The following RBFOX1 variants were observed in gnomAD, a reference collection of about 807,000 sequenced individuals.
RBFOX1 encodes the protein RNA binding protein fox-1 homolog 1.
Under a neutral mutation model 57.7 loss-of-function variants are expected in RBFOX1, and 8 were observed. The ratio of observed to expected loss-of-function variants is 0.14; its 90% CI spans 0.08 to 0.25. RBFOX1 has a LOEUF of 0.25. Ranked by LOEUF, RBFOX1 falls within the 10% of genes least tolerant of loss-of-function variation. The pLI, the probability that RBFOX1 is intolerant of heterozygous loss-of-function variation, is 1.00. For missense variants in RBFOX1, 611 were observed against 548.5 expected (o/e 1.11, Z -1.14); for synonymous variants, 326 against 222.4 (o/e 1.47, Z -4.15).
intron 4 of RBFOX1, among the ~76,000 whole-genome samples, chr16:7,481,732 A>G (rs935939747): frequency 5.9e-5 from 9 of 152,226 alleles, no homozygotes; most frequent in South Asian, 2.1e-4. Context: ...TCATACTGCA[A>G]TAAACCCATC....
intron 1 of RBFOX1, among the ~76,000 whole-genome samples, chr16:5,381,416 C>G (rs150247103): frequency 6.6e-6 from 1 of 152,350 alleles, no homozygotes; most frequent in Non-Finnish European, 1.5e-5. Context: ...GCACATAAAT[C>G]ACTTGGAGAT....
intron 3 of RBFOX1, among the ~76,000 whole-genome samples, chr16:6,923,950 A>C (rs2075030045): frequency 6.6e-6 from 1 of 151,964 alleles, no homozygotes; most frequent in Non-Finnish European, 1.5e-5. Flanking sequence ...CAGGCAGATC[A>C]CCTGAAGTTA....
In RBFOX1 at chr16:7,684,050, G is replaced by C. The variant is rs147736195; in HGVS notation, c.995+7212G>C. On this transcript the variant is annotated intron_variant, in intron 14 of 15. Coordinates refer to ENST00000550418, the MANE Select transcript of RBFOX1 (RefSeq NM_018723.4). Reference sequence around the variant, plus strand: ...GATAAGATGAAATTTTTCAGTAAAAGTGTCTAATATTTCATTTTAAGTTAT... The same window carrying C: ...GATAAGATGAAATTTTTCAGTAAAACTGTCTAATATTTCATTTTAAGTTAT... Among the ~76,000 whole-genome samples the C allele has an allele frequency of 3.6e-3, 548 of 152,170 alleles. 3 individuals carry two copies. Among genetic ancestry groups the C allele is most frequent in the African/African-American group, 0.013 (529 of 41,528 alleles).
At chr16:6,813,690 C>G (rs561878262) in intron 3 of RBFOX1, among the ~76,000 whole-genome samples, 2 of 152,292 alleles carry the variant, frequency 1.3e-5, no homozygotes, top group African/African-American at 4.8e-5. Context: ...CTTTCCAAGT[C>G]CCATACTCTC....
intron 3 of RBFOX1, among the ~76,000 whole-genome samples, chr16:6,898,711 ATATG>A (rs1282500380): frequency 6.6e-6 from 1 of 150,972 alleles, no homozygotes; most frequent in Non-Finnish European, 1.5e-5. Flanking sequence ...TGTCTATAAT[ATATG>A]TGTGTATGTG....
At chr16:5,421,908 T>C (rs1347178802) in intron 1 of RBFOX1, among the ~76,000 whole-genome samples, 3 of 152,066 alleles carry the variant, frequency 2.0e-5, no homozygotes, top group Admixed American at 1.3e-4. Flanking sequence ...CCAAACTCAA[T>C]ATCATTTTTT....
At chr16:7,278,465 AT>A (rs2095482292) in intron 4 of RBFOX1, among the ~76,000 whole-genome samples, 1 of 152,296 alleles carries the variant, frequency 6.6e-6, no homozygotes, top group Admixed American at 6.5e-5. Context: ...GACTAAATAT[AT>A]TTACTTTCAT....
chr16:5,510,328 C>G (rs1237790763), intron 2 of RBFOX1, among the ~76,000 whole-genome samples: 1 of 152,206 alleles, frequency 6.6e-6, no homozygotes, highest in Non-Finnish European at 1.5e-5. Context: ...GCCGCTCTCC[C>G]TCTGACTGTA....
At chr16:7,295,259 C>A (rs2095867068) in intron 4 of RBFOX1, among the ~76,000 whole-genome samples, 1 of 152,016 alleles carries the variant, frequency 6.6e-6, no homozygotes. Context: ...TTGTATAGTG[C>A]CATGTCATTT....
chr16:6,662,138 G>T (rs200526075), intron 3 of RBFOX1, among the ~76,000 whole-genome samples: 1 of 148,846 alleles, frequency 6.7e-6, no homozygotes, highest in Non-Finnish European at 1.5e-5. Context: ...GGGGCGGGGT[G>T]AAAAAAAAGG....
At position 6,530,658 on chromosome 16, in the gene RBFOX1, C is replaced by A. The variant is rs188853134; in HGVS notation, c.-63-123945C>A. 1.7e-3 allele frequency among the ~76,000 whole-genome samples: 255 copies of A among 152,164 alleles called. 1 individual carries two copies. Among genetic ancestry groups the A allele is most frequent in the Non-Finnish European group, 2.5e-3 (168 of 68,006 alleles). On this transcript the variant is annotated intron_variant, in intron 2 of 15. Transcript: ENST00000550418. Reference sequence around the variant, plus strand: ...CACATGGCTGGGGAGGCCTCACAATCATGGTGGAAGGAGGAGCAAGTTATG... The same window carrying A: ...CACATGGCTGGGGAGGCCTCACAATAATGGTGGAAGGAGGAGCAAGTTATG...
At chr16:7,241,405 A>C (rs1922584) in intron 4 of RBFOX1, among the ~76,000 whole-genome samples, 51,450 of 152,018 alleles carry the variant, frequency 0.34, 9,194 homozygotes, top group Middle Eastern at 0.5. Context: ...TTGCAGTTCA[A>C]TGGGCAAATT....
intron 1 of RBFOX1, among the ~76,000 whole-genome samples, chr16:6,022,986 C>T (rs761155732): frequency 2.6e-5 from 4 of 152,088 alleles, no homozygotes; most frequent in Admixed American, 1.3e-4. Flanking sequence ...ATGAGGGATT[C>T]GGGGATCTAA....
At chr16:7,094,777 G>GTGTGGGT (rs1567232668) in intron 4 of RBFOX1, among the ~76,000 whole-genome samples, 3 of 53,608 alleles carry the variant, frequency 5.6e-5, no homozygotes, top group Admixed American at 2.0e-4. Context: ...TGTGTGTGTG[G>GTGTGGGT]GTGTGTGTGT....
chr16:5,982,632 A>T (rs377238366), intron 4 of RBFOX1, among the ~76,000 whole-genome samples: 1 of 152,114 alleles, frequency 6.6e-6, no homozygotes, highest in African/African-American at 2.4e-5. Context: ...ATATGGCTCT[A>T]TCCATTTTCT....
intron 4 of RBFOX1, among the ~76,000 whole-genome samples, chr16:5,896,425 G>T (rs1275122127): frequency 2.0e-5 from 3 of 151,824 alleles, no homozygotes; most frequent in Non-Finnish European, 4.4e-5. Flanking sequence ...AAAAAAACCT[G>T]GCACCTCCCT....
At chr16:6,411,308 C>T (rs140465012) in intron 2 of RBFOX1, among the ~76,000 whole-genome samples, 7 of 152,072 alleles carry the variant, frequency 4.6e-5, no homozygotes, top group Admixed American at 2.0e-4. Flanking sequence ...ACCATAGGTC[C>T]GGAGATGACT....
intron 3 of RBFOX1, among the ~76,000 whole-genome samples, chr16:6,702,578 T>G (rs1433630388): frequency 6.6e-6 from 1 of 151,708 alleles, no homozygotes; most frequent in East Asian, 1.9e-4. Context: ...AAAATCCAAA[T>G]TATATCAACA....
chr16:6,335,604 C>T (rs751986186), intron 2 of RBFOX1, among the ~76,000 whole-genome samples: 6 of 151,484 alleles, frequency 4.0e-5, no homozygotes, highest in Non-Finnish European at 5.9e-5. Flanking sequence ...ATGGTGAAAC[C>T]TCGTCTCTAC....
Sources: gnomAD v4.1 joint callset for allele counts (sites outside exome capture counted in the v4.1 genomes callset) on GRCh38, gnomAD v4.1.1 for gene constraint, MANE v1.5 for transcripts, NCBI Gene and HGNC (gene_info 2026-07-23, HGNC 2026-07-21) for gene names.